Variants in MAST4 observed in about 807,000 individuals in gnomAD.
The protein encoded by MAST4 is microtubule associated serine/threonine kinase family member 4, also known as microtubule-associated serine/threonine-protein kinase 4.
In MAST4, 89 loss-of-function variants were observed where a neutral mutation model predicts 162.7. The observed-to-expected ratio is 0.55, with a 90% CI of 0.46 to 0.65. The LOEUF is 0.65. MAST4 is among the 30% of genes least tolerant of loss of function. MAST4 has a pLI of 0.00. For synonymous variants in MAST4, 1,479 were observed against 1,361.1 expected, an observed-to-expected ratio of 1.09 and a Z score of -1.91; for missense variants, 3,153 against 3,374.0, an observed-to-expected ratio of 0.93 and a Z score of 1.62.
intron 3 of MAST4, among the ~76,000 whole-genome samples, chr5:66,877,924 A>C (rs1322659868): frequency 6.6e-6 from 1 of 152,260 alleles, no homozygotes; most frequent in Non-Finnish European, 1.5e-5. Context: ...TGCTAGAGGT[A>C]TCAGGCGTTC....
rs748708691 is a variant in MAST4 at position 67,167,022 on chromosome 5, C to G, written c.7843C>G (p.Arg2615Gly). The change falls in exon 29 of 29, where the codon CGT (arginine) becomes GGT (glycine). Residue 2615 changes from arginine (R) to glycine (G), a missense_variant. This residue lies in a region of MAST4 where 1,644 missense variants were observed against 1,495.0 expected (regional missense o/e 1.10). Coordinates refer to ENST00000403625, the MANE Select transcript of MAST4 (RefSeq NM_001164664.2). ...VRQRRGKESLRSSPHKKAL is the reference protein window; with the variant it reads ...VRQRRGKESLGSSPHKKAL ...GCAGAGGCGGGGGAAAGAGAGTTTG[C>G]GTAGCAGCCCTCACAAAAAGGCCTT... 1 of 1,596,858 alleles carries G rather than the reference C, an allele frequency of 6.3e-7. No individual in the cohort carries two copies. Among genetic ancestry groups the G allele is most frequent in the South Asian group, 1.1e-5 (1 of 89,148 alleles).
At chr5:66,949,391 T>C (rs561381018) in intron 4 of MAST4, among the ~76,000 whole-genome samples, 33 of 152,252 alleles carry the variant, frequency 2.2e-4, no homozygotes, top group African/African-American at 7.7e-4. Context: ...TGGTAGTGAG[T>C]GAGTTCTCGT....
intron 4 of MAST4, among the ~76,000 whole-genome samples, chr5:67,044,315 T>A (rs954651040): frequency 6.6e-6 from 1 of 152,188 alleles, no homozygotes; most frequent in Admixed American, 6.5e-5. Context: ...TGTAAATACA[T>A]GACCTGCGCC....
At chr5:67,021,363 T>C (rs756881122) in intron 4 of MAST4, among the ~76,000 whole-genome samples, 11 of 152,208 alleles carry the variant, frequency 7.2e-5, no homozygotes, top group Non-Finnish European at 7.3e-5. Context: ...TTGCAACGTA[T>C]CCCAATTTAG....
intron 4 of MAST4, among the ~76,000 whole-genome samples, chr5:66,991,348 G>C (rs537318856): frequency 1.3e-5 from 2 of 152,250 alleles, no homozygotes; most frequent in Admixed American, 6.5e-5. Flanking sequence ...CATGTTATAT[G>C]ATGGGCATAA....
At chr5:66,965,118 T>C (rs766637121) in intron 4 of MAST4, among the ~76,000 whole-genome samples, 1 of 152,086 alleles carries the variant, frequency 6.6e-6, no homozygotes, top group Non-Finnish European at 1.5e-5. Context: ...ATACTTATTA[T>C]TGTAAAAGTG....
At chr5:66,927,428 A>G (rs1021440279) in intron 4 of MAST4, among the ~76,000 whole-genome samples, 1 of 152,210 alleles carries the variant, frequency 6.6e-6, no homozygotes, top group Non-Finnish European at 1.5e-5. Flanking sequence ...TAGGTACCCA[A>G]TTTAGCAGCA....
intron 13 of MAST4, among the ~76,000 whole-genome samples, chr5:67,119,131 G>A (rs1273889783): frequency 6.6e-6 from 1 of 152,142 alleles, no homozygotes; most frequent in Non-Finnish European, 1.5e-5. Context: ...TGTTTATCAG[G>A]TTTTTTGTTT....
chr5:66,720,371 A>T (rs1282087136), intron 1 of MAST4, among the ~76,000 whole-genome samples: 12 of 152,188 alleles, frequency 7.9e-5, no homozygotes, highest in Admixed American at 6.5e-4. Flanking sequence ...TGTCCCCTGT[A>T]AATCATTGTC....
chr5:66,896,834 C>T (rs1456658529), intron 3 of MAST4, among the ~76,000 whole-genome samples: 1 of 152,164 alleles, frequency 6.6e-6, no homozygotes, highest in African/African-American at 2.4e-5. Flanking sequence ...TTCTCAGACT[C>T]TCCATGAGTT....
chr5:66,631,234 T>A (rs1580049372), intron 1 of MAST4, among the ~76,000 whole-genome samples: 1 of 152,198 alleles, frequency 6.6e-6, no homozygotes, highest in South Asian at 2.1e-4. Context: ...TTGCCATAAA[T>A]GGACTGAACT....
At chr5:66,839,076 G>A (rs974686578) in intron 3 of MAST4, among the ~76,000 whole-genome samples, 7 of 152,150 alleles carry the variant, frequency 4.6e-5, no homozygotes, top group African/African-American at 1.7e-4. Flanking sequence ...ACAGTGAAAT[G>A]GAGAAAGGCA....
intron 1 of MAST4, among the ~76,000 whole-genome samples, chr5:66,688,227 A>T (rs1454006438): frequency 6.6e-6 from 1 of 152,218 alleles, no homozygotes; most frequent in Non-Finnish European, 1.5e-5. Flanking sequence ...CTATTTTCCA[A>T]GACTGCTGTG....
chr5:66,913,505 A>G (rs1362892884), intron 4 of MAST4, among the ~76,000 whole-genome samples: 1 of 152,012 alleles, frequency 6.6e-6, no homozygotes, highest in Non-Finnish European at 1.5e-5. Context: ...TGACTGTGTC[A>G]GTTTCATTAG....
At chr5:66,745,634 A>G (rs1303324931) in intron 1 of MAST4, among the ~76,000 whole-genome samples, 1 of 152,178 alleles carries the variant, frequency 6.6e-6, no homozygotes, top group East Asian at 1.9e-4. Flanking sequence ...CCAGCTAACA[A>G]GGTAAGGAAA....
intron 19 of MAST4, among the ~76,000 whole-genome samples, chr5:67,139,688 C>T (rs1289392050): frequency 6.6e-6 from 1 of 152,222 alleles, no homozygotes; most frequent in African/African-American, 2.4e-5. Flanking sequence ...CTTTTACCTT[C>T]ATAATGAATT....
At chr5:66,606,701 G>A (rs72759170) in intron 1 of MAST4, among the ~76,000 whole-genome samples, 1,625 of 152,166 alleles carry the variant, frequency 0.011, 19 homozygotes, top group Non-Finnish European at 0.016. Flanking sequence ...CCACTGGTTT[G>A]TGAACCCCTC....
chr5:67,131,707 G>A, intron 15 of MAST4, 106 bp from the exon 16 acceptor site: 1 of 1,102,528 alleles, frequency 9.1e-7, no homozygotes, highest in Non-Finnish European at 1.3e-6. Flanking sequence ...ATGATATGCT[G>A]TGTCTATGGG....
chr5:66,781,354 G>T (rs1174715617), intron 2 of MAST4, among the ~76,000 whole-genome samples: 1 of 152,220 alleles, frequency 6.6e-6, no homozygotes, highest in Admixed American at 6.5e-5. Flanking sequence ...GCAAAGAGAG[G>T]CTATTAGCCA....
Sources: gnomAD v4.1 joint callset for allele counts (sites outside exome capture counted in the v4.1 genomes callset) on GRCh38, gnomAD v4.1.1 for gene constraint, gnomAD v4.1.1 regional missense constraint, MANE v1.5 for transcripts, NCBI Gene and HGNC (gene_info 2026-07-23, HGNC 2026-07-21) for gene names.